GPR149: variants seen among roughly 807,000 people sequenced by gnomAD.
GPR149 encodes G protein-coupled receptor 149, also known as probable G protein-coupled receptor 149.
In GPR149, 50 loss-of-function variants were observed where a neutral mutation model predicts 50.2. The observed-to-expected ratio is 1.00, with a 90% CI of 0.79 to 1.26. The LOEUF (loss-of-function observed/expected upper bound fraction) is 1.26. Ranked by LOEUF, GPR149 falls within the 50% of genes most tolerant of loss-of-function variation. The pLI is 0.00. For missense variants in GPR149, 983 were observed against 895.4 expected, an observed-to-expected ratio of 1.10 and a Z score of -1.25; for synonymous variants, 405 against 358.2, an observed-to-expected ratio of 1.13 and a Z score of -1.48.
intron 3 of GPR149, 129 bp downstream of exon 3, chr3:154,420,910 G>A: frequency 1.5e-6 from 1 of 664,006 alleles, no homozygotes; most frequent in South Asian, 2.1e-5. Flanking sequence ...AAATAGCATG[G>A]AAATTAATTG....
At chr3:154,372,975 A>G (rs1204862007) in intron 3 of GPR149, among the ~76,000 whole-genome samples, 4 of 152,166 alleles carry the variant, frequency 2.6e-5, no homozygotes, top group Non-Finnish European at 5.9e-5. Context: ...TGGATGTCCA[A>G]TTTTAGAAAT....
chr3:154,427,596 T>G lies in GPR149; in HGVS notation c.1094A>C (p.Lys365Thr). 1 of 1,614,176 alleles carries G rather than the reference T, an allele frequency of 6.2e-7. No individual in the cohort carries two copies. The highest frequency in any genetic ancestry group is 8.5e-7 in the Non-Finnish European group (1 of 1,180,020). The part of the protein sequence containing the change: ...TTVTPVFVLS[K>T]RWTHLPCGCI... The stretch of plus-strand genomic sequence containing the variant: ...GCCACAGGGCAAGTGGGTCCAGCGT[T>G]TGGACAAGACAAACACTGGGGTTAC... Residue 365 changes from lysine (K) to threonine (T), a missense_variant, in exon 2 of 4, where the codon AAA (lysine) becomes ACA (threonine). Lys to Thr is a moderately conservative substitution (Grantham distance 78, BLOSUM62 -1). Coordinates refer to ENST00000389740, the MANE Select transcript of GPR149 (RefSeq NM_001038705.3).
At chr3:154,340,716 A>G (rs1182467510) in intron 3 of GPR149, among the ~76,000 whole-genome samples, 2 of 152,116 alleles carry the variant, frequency 1.3e-5, no homozygotes, top group Non-Finnish European at 2.9e-5. Context: ...TCAAGAAAAG[A>G]TTTAGTTTTG....
chr3:154,407,719 C>CACACACAT (rs759884952), intron 3 of GPR149, among the ~76,000 whole-genome samples: 18 of 150,464 alleles, frequency 1.2e-4, no homozygotes, highest in African/African-American at 1.2e-4. Flanking sequence ...CACACACACA[C>CACACACAT]ATATATATAT....
chr3:154,413,720 TACA>T (rs1221132364), intron 3 of GPR149, among the ~76,000 whole-genome samples: 1 of 151,836 alleles, frequency 6.6e-6, no homozygotes, highest in Non-Finnish European at 1.5e-5. Context: ...TGTAAACTAG[TACA>T]ACCACTATAG....
intron 3 of GPR149, among the ~76,000 whole-genome samples, chr3:154,408,238 T>TG (rs2108421992): frequency 6.6e-6 from 1 of 152,306 alleles, no homozygotes; most frequent in African/African-American, 2.4e-5. Flanking sequence ...CCCACTCAGA[T>TG]GGACAGAGCA....
chr3:154,406,524 T>C (rs1312144354), intron 3 of GPR149, among the ~76,000 whole-genome samples: 1 of 152,178 alleles, frequency 6.6e-6, no homozygotes, highest in Non-Finnish European at 1.5e-5. Flanking sequence ...TACAGAGTAG[T>C]TAAATTGACT....
intron 3 of GPR149, among the ~76,000 whole-genome samples, chr3:154,397,981 G>A (rs1272988192): frequency 4.6e-5 from 5 of 109,408 alleles, no homozygotes; most frequent in Admixed American, 3.9e-4. Flanking sequence ...TAGTTGTATG[G>A]AAATTACAAT....
At chr3:154,374,640 A>G (rs1384020344) in intron 3 of GPR149, among the ~76,000 whole-genome samples, 2 of 152,228 alleles carry the variant, frequency 1.3e-5, no homozygotes, top group Admixed American at 1.3e-4. Flanking sequence ...AAAGAAGAGG[A>G]ACATTGGCAT....
chr3:154,384,685 T>C (rs1048861977), intron 3 of GPR149, among the ~76,000 whole-genome samples: 22 of 152,212 alleles, frequency 1.4e-4, no homozygotes, highest in African/African-American at 5.1e-4. Context: ...GTTACACAAT[T>C]AATCAGTCCC....
At chr3:154,401,260 A>G (rs564343116) in intron 3 of GPR149, among the ~76,000 whole-genome samples, 2 of 152,354 alleles carry the variant, frequency 1.3e-5, no homozygotes, top group African/African-American at 4.8e-5. Flanking sequence ...CCACTGAACT[A>G]AATAAATATT....
intron 2 of GPR149, among the ~76,000 whole-genome samples, chr3:154,424,856 C>T (rs1712250051): frequency 1.3e-5 from 2 of 150,378 alleles, no homozygotes; most frequent in Admixed American, 1.3e-4. Context: ...GGAGTAATGT[C>T]ACTTACCAGA....
At chr3:154,419,951 T>C (rs1712090121) in intron 3 of GPR149, among the ~76,000 whole-genome samples, 1 of 152,070 alleles carries the variant, frequency 6.6e-6, no homozygotes, top group African/African-American at 2.4e-5. Flanking sequence ...TCTAAACATA[T>C]GCACAATTGT....
In GPR149 at chr3:154,428,626, C is replaced by T; in HGVS notation, c.981+9G>A. On this transcript the variant is annotated intron_variant, in intron 1 of 3. Transcript: ENST00000389740. ...CACACTCGCGCTTTGTGAGCAACTGCACTTTTACCATCATGGGCAGCCAAA... is the reference window on the plus strand; with the variant it reads ...CACACTCGCGCTTTGTGAGCAACTGTACTTTTACCATCATGGGCAGCCAAA... The T allele has an allele frequency of 1.2e-6, 2 of 1,607,314 alleles. No individual in the cohort carries two copies. Among genetic ancestry groups the T allele is most frequent in the Non-Finnish European group, 1.7e-6 (2 of 1,176,624 alleles).
At chr3:154,396,603 T>C (rs1253483470) in intron 3 of GPR149, among the ~76,000 whole-genome samples, 1 of 152,058 alleles carries the variant, frequency 6.6e-6, no homozygotes, top group Non-Finnish European at 1.5e-5. Flanking sequence ...AATTATAATA[T>C]ATCTAAATGT....
At position 154,338,099 on chromosome 3, in the gene GPR149, T is replaced by C; in HGVS notation, c.1796A>G (p.His599Arg). 1.2e-6 allele frequency: 2 copies of C among 1,614,186 alleles called. No individual in the cohort carries two copies. The highest frequency in any genetic ancestry group is 1.7e-6 in the Non-Finnish European group (2 of 1,180,022). The change falls in exon 4 of 4, where the codon CAT becomes CGT. Residue 599 changes from histidine to arginine, a missense_variant. By Grantham distance (29) the His-to-Arg change is conservative. Transcript: ENST00000389740. ...IEVYRSKSVGHEPNSEDSSST... is the reference protein window; with the variant it reads ...IEVYRSKSVGREPNSEDSSST... Reference sequence around the variant, plus strand: ...TGAAGAATCTTCTGAGTTTGGTTCATGGCCAACACTTTTGGATCGATAGAC... The same window carrying C: ...TGAAGAATCTTCTGAGTTTGGTTCACGGCCAACACTTTTGGATCGATAGAC...
At position 154,337,625 on chromosome 3, in the gene GPR149, G is replaced by C. The variant is rs543800534; in HGVS notation, c.*74C>G. ...TAAGCCAACAAATAAAAGGAAATCA[G>C]TCTCATAACAAAGGTGTTAGTTTCA... On this transcript the variant is annotated 3_prime_UTR_variant, in exon 4 of 4. Coordinates refer to ENST00000389740, the MANE Select transcript of GPR149 (RefSeq NM_001038705.3). The C allele has an allele frequency of 4.4e-6, 5 of 1,131,330 alleles. No individual in the cohort carries two copies. The South Asian group carries it at 8.7e-5, about 20-fold the overall frequency. The allele number at this position is 1,131,330 out of a possible 1,614,324, so 70.1% of individuals were successfully genotyped here. A position where few individuals can be genotyped will look rare whatever the true frequency, so the allele number is the denominator to read the frequency against.
intron 3 of GPR149, among the ~76,000 whole-genome samples, chr3:154,413,956 A>ATATG (rs1243639284): frequency 6.6e-6 from 1 of 151,220 alleles, no homozygotes; most frequent in East Asian, 1.9e-4. Flanking sequence ...ATATATATAT[A>ATATG]TATACATGGA....
Position 154,427,806 on chromosome 3 carries a change from C to G in GPR149, c.982-98G>C. ...CGCTGCCTCAGTTCCCTTTCCAGTT[C>G]CTTCTCCTGATGGACAGCGGGGACC... is the stretch of plus-strand genomic sequence containing the variant. On this transcript the variant is annotated intron_variant, in intron 1 of 3. Coordinates refer to ENST00000389740, the MANE Select transcript of GPR149 (RefSeq NM_001038705.3). The G allele has an allele frequency of 2.6e-6, 3 of 1,139,434 alleles. No individual in the cohort carries two copies. In the South Asian group the frequency reaches 4.7e-5, roughly 18 times the overall value. The allele number at this position is 1,139,434 out of a possible 1,614,324, so 70.6% of individuals were successfully genotyped here. A position where few individuals can be genotyped will look rare whatever the true frequency, so the allele number is the denominator to read the frequency against.
Sources: gnomAD v4.1 joint callset for allele counts (sites outside exome capture counted in the v4.1 genomes callset) on GRCh38, gnomAD v4.1.1 for gene constraint, MANE v1.5 for transcripts, NCBI Gene and HGNC (gene_info 2026-07-23, HGNC 2026-07-21) for gene names.